Variants in INTU observed in about 807,000 individuals in gnomAD.
INTU encodes the protein protein inturned.
INTU carries 68 observed loss-of-function variants against 100.5 expected under a neutral mutation model. The ratio of observed to expected loss-of-function variants is 0.68; its 90% confidence interval spans 0.56 to 0.83. INTU has a LOEUF of 0.83. Ranked by LOEUF, INTU falls within the 40% of genes least tolerant of loss-of-function variation. The pLI, the probability that INTU is intolerant of heterozygous loss-of-function variation, is 0.00. For missense variants in INTU, 1,071 were observed against 1,114.7 expected (o/e 0.96, Z 0.56); for synonymous variants, 357 against 395.7 (o/e 0.90, Z 1.16).
chr4:127,706,389 G>T (rs1578632990), intron 11 of INTU, 98 bp from the exon 12 acceptor site: 3 of 962,000 alleles, frequency 3.1e-6, no homozygotes. Context: ...TATGCCATAG[G>T]CCTCTATGTC....
intron 9 of INTU, among the ~76,000 whole-genome samples, chr4:127,703,713 C>T (rs1730751786): frequency 6.6e-6 from 1 of 152,010 alleles, no homozygotes; most frequent in Non-Finnish European, 1.5e-5. Context: ...CTAATTTTTC[C>T]ATATTACAAA....
rs759352629 is a variant in INTU at position 127,663,423 on chromosome 4, A to T, written c.811A>T (p.Thr271Ser). 3 of 1,613,130 alleles carry T rather than the reference A, an allele frequency of 1.9e-6. No individual in the cohort carries two copies. In the Admixed American group the frequency reaches 5.0e-5, roughly 27 times the overall value. The change falls in exon 4 of 16, where the codon ACG (threonine) becomes TCG (serine). Residue 271 changes from threonine to serine, a missense_variant. Coordinates refer to ENST00000335251, the MANE Select transcript of INTU (RefSeq NM_015693.4). Reference sequence around the variant, plus strand: ...AAATGCATATGATGTGAAAAGGGAGACGTCCCATCCAAGACAGAAAAAGAC... The same window carrying T: ...AAATGCATATGATGTGAAAAGGGAGTCGTCCCATCCAAGACAGAAAAAGAC... The part of the protein sequence containing the change: ...FENAYDVKRE[T>S]SHPRQKKTQS...
chr4:127,633,106 A>C lies in INTU; in HGVS notation c.72A>C (p.Glu24Asp), dbSNP rs1726907927. The C allele has an allele frequency of 6.2e-7, 1 of 1,614,086 alleles. No homozygotes were observed. Among genetic ancestry groups the C allele is most frequent in the South Asian group, 1.1e-5 (1 of 91,078 alleles). ...DELPGDPSSQ[E>D]EDEDYDFEDR... ...TCCCTGGAGACCCCTCTTCACAAGA[A>C]GAAGATGAGGACTATGATTTTGAAG... is the stretch of plus-strand genomic sequence containing the variant. Residue 24 changes from glutamate (E) to aspartate (D), a missense_variant, in exon 1 of 16, where the codon GAA becomes GAC. By Grantham distance (45) the Glu-to-Asp change is conservative (BLOSUM62 2). Transcript: ENST00000335251.
chr4:127,655,802 G>T (rs1459014051), intron 2 of INTU, among the ~76,000 whole-genome samples: 3 of 152,212 alleles, frequency 2.0e-5, no homozygotes, highest in Non-Finnish European at 2.9e-5. Flanking sequence ...CTGGGCAATG[G>T]GGGGCGCCCC....
chr4:127,679,401 G>A (rs1026473101), intron 6 of INTU, among the ~76,000 whole-genome samples: 11 of 152,124 alleles, frequency 7.2e-5, no homozygotes, highest in East Asian at 3.9e-4. Context: ...ATAACAAACT[G>A]TCTCTCAGAC....
Position 127,708,575 on chromosome 4 carries a change from C to T in INTU, c.2276C>T (p.Thr759Ile), listed in dbSNP as rs1218551950. Residue 759 changes from threonine (T) to isoleucine (I), a missense_variant, in exon 13 of 16, where the codon ACT becomes ATT. Transcript: ENST00000335251. ...LEESGTLLKVTKKKSTLPNPF... is the reference protein window; with the variant it reads ...LEESGTLLKVIKKKSTLPNPF... ...CTACTTAACTATATTTTTCAGGTCA[C>T]TAAAAAGAAGTCTACTCTTCCAAAT... The T allele has an allele frequency of 4.5e-6, 7 of 1,559,588 alleles. No individual in the cohort carries two copies. Among genetic ancestry groups the T allele is most frequent in the Non-Finnish European group, 5.3e-6 (6 of 1,138,346 alleles).
chr4:127,682,648 T>C (rs1200201769), intron 6 of INTU, among the ~76,000 whole-genome samples: 1 of 149,212 alleles, frequency 6.7e-6, no homozygotes, highest in East Asian at 2.0e-4. Flanking sequence ...TAATGCTAAA[T>C]GACGAGTTAA....
chr4:127,705,641 C>T lies in INTU; in HGVS notation c.1617C>T (p.Ala539=), dbSNP rs914123089. 10 of 1,613,746 alleles carry T rather than the reference C, an allele frequency of 6.2e-6. No individual in the cohort carries two copies. The highest frequency in any genetic ancestry group is 2.2e-5 in the East Asian group (1 of 44,880). The change falls in exon 11 of 16, where the codon GCC becomes GCT. Residue 539 remains alanine, a synonymous_variant. Transcript: ENST00000335251. ...CCAAGGATGATCTTATTGATATTGCCGTATACTGTCGCCACTATTGCCTGC... is the reference window on the plus strand; with the variant it reads ...CCAAGGATGATCTTATTGATATTGCTGTATACTGTCGCCACTATTGCCTGC... ...HLPKDDLIDI[A]VYCRHYCLLP... is the part of the protein sequence containing the mutation.
chr4:127,707,271 G>GC (rs1405835118), intron 12 of INTU, among the ~76,000 whole-genome samples: 1 of 151,546 alleles, frequency 6.6e-6, no homozygotes. Context: ...GATCCCAGAT[G>GC]CATCGGGAGG....
At chr4:127,651,752 G>A (rs1302032537) in intron 2 of INTU, among the ~76,000 whole-genome samples, 1 of 151,102 alleles carries the variant, frequency 6.6e-6, no homozygotes, top group Non-Finnish European at 1.5e-5. Flanking sequence ...CCAATTCTGT[G>A]AAGAAAGTCA....
chr4:127,681,293 A>C (rs933747391), intron 6 of INTU, among the ~76,000 whole-genome samples: 1 of 152,218 alleles, frequency 6.6e-6, no homozygotes, highest in African/African-American at 2.4e-5. Context: ...CCGCATCGCC[A>C]AGTCAATCCT....
At chr4:127,664,500 C>T (rs1728610538) in intron 4 of INTU, among the ~76,000 whole-genome samples, 1 of 151,926 alleles carries the variant, frequency 6.6e-6, no homozygotes, top group South Asian at 2.1e-4. Context: ...ATTTTTCCCT[C>T]CAGTTCTAAA....
At chr4:127,675,102 A>C (rs1269724554) in intron 6 of INTU, among the ~76,000 whole-genome samples, 1 of 152,234 alleles carries the variant, frequency 6.6e-6, no homozygotes, top group African/African-American at 2.4e-5. Flanking sequence ...GTTCCTGTTC[A>C]ATGGTTTTTA....
rs564624371 is a variant in INTU at position 127,677,354 on chromosome 4, G to A, written c.1181+3141G>A. ...CAGCCTAACTGGGAGGCACCCCCCA[G>A]TAGGGGCAGACTGACACCTCACACA... On this transcript the variant is annotated intron_variant, in intron 6 of 15. Transcript: ENST00000335251. 1.5e-4 allele frequency among the ~76,000 whole-genome samples: 22 copies of A among 151,250 alleles called. 4 individuals carry two copies. The highest frequency in any genetic ancestry group is 5.4e-4 in the African/African-American group (22 of 40,510).
intron 6 of INTU, among the ~76,000 whole-genome samples, chr4:127,677,841 T>A (rs1729302906): frequency 6.6e-6 from 1 of 152,252 alleles, no homozygotes; most frequent in African/African-American, 2.4e-5. Flanking sequence ...GCAAAGAAGT[T>A]GAAAACTTTG....
At chr4:127,645,594 G>A (rs1727544121) in intron 2 of INTU, among the ~76,000 whole-genome samples, 1 of 151,746 alleles carries the variant, frequency 6.6e-6, no homozygotes, top group Non-Finnish European at 1.5e-5. Context: ...GAGTTTTGCT[G>A]TTGTCACTCA....
intron 1 of INTU, among the ~76,000 whole-genome samples, chr4:127,636,810 A>G (rs1481170375): frequency 2.0e-5 from 3 of 152,186 alleles, no homozygotes; most frequent in African/African-American, 4.8e-5. Context: ...ATTTAGACTC[A>G]TGATGCCATA....
At position 127,698,397 on chromosome 4, in the gene INTU, G is replaced by A. The variant is rs376276972; in HGVS notation, c.1450-1613G>A. 3.8e-4 allele frequency among the ~76,000 whole-genome samples: 58 copies of A among 151,662 alleles called. No individual in the cohort carries two copies. The East Asian group carries it at 9.7e-3, about 25-fold the overall frequency. On this transcript the variant is annotated intron_variant, in intron 8 of 15. Transcript: ENST00000335251. ...GAATGGCATGAACCTAGGAGGCAGA[G>A]CTTGCCATGAGCCAAGATTGTGCCA... is the stretch of plus-strand genomic sequence containing the variant.
rs145936697 is a variant in INTU at position 127,704,231 on chromosome 4, G to A, written c.1507G>A (p.Glu503Lys). Reference protein sequence around the residue: ...LEAADFAELSEDYYDMRRLYT... With the variant: ...LEAADFAELSKDYYDMRRLYT... ...CCACTATGAATTTTTCCCCCAGTCCGAGGATTACTATGACATGAGGCGGCT... is the reference window on the plus strand; with the variant it reads ...CCACTATGAATTTTTCCCCCAGTCCAAGGATTACTATGACATGAGGCGGCT... The change falls in exon 10 of 16, where the codon GAG becomes AAG. Residue 503 changes from glutamate to lysine, a missense_variant. Transcript: ENST00000335251. 6 of 1,605,896 alleles carry A rather than the reference G, an allele frequency of 3.7e-6. No individual in the cohort carries two copies. Among genetic ancestry groups the A allele is most frequent in the Middle Eastern group, 1.7e-4 (1 of 6,022 alleles).
Sources: allele counts gnomAD v4.1 joint callset (sites outside exome capture counted in the v4.1 genomes callset), GRCh38; gene constraint gnomAD v4.1.1; transcripts MANE v1.5; gene names NCBI Gene and HGNC (gene_info 2026-07-23, HGNC 2026-07-21).